SNX31: variants seen among roughly 807,000 people sequenced by gnomAD.
The protein encoded by SNX31 is sorting nexin 31, also known as sorting nexin-31.
Under a neutral mutation model 65.4 loss-of-function variants are expected in SNX31, and 58 were observed. That is an observed-to-expected ratio of 0.89 (90% CI 0.72 to 1.10). SNX31 has a LOEUF of 1.10. SNX31 is among the 50% of genes least tolerant of loss of function. SNX31 has a pLI of 0.00. For missense variants in SNX31, 523 were observed against 529.7 expected, an observed-to-expected ratio of 0.99 and a Z score of 0.12; for synonymous variants, 181 against 190.1, an observed-to-expected ratio of 0.95 and a Z score of 0.39.
chr8:100,600,402 G>T lies in SNX31; in HGVS notation c.721C>A (p.Gln241Lys). 6.2e-7 allele frequency: 1 copy of T among 1,613,754 alleles called. No individual in the cohort carries two copies. Among genetic ancestry groups the T allele is most frequent in the Non-Finnish European group, 8.5e-7 (1 of 1,179,818 alleles). The change falls in exon 9 of 14, where the codon CAG (glutamine) becomes AAG (lysine). Residue 241 changes from glutamine (Q) to lysine (K), a missense_variant. Coordinates refer to ENST00000311812, the MANE Select transcript of SNX31 (RefSeq NM_152628.4). Reference sequence around the variant, plus strand: ...GCTTCTAATTTCTGCCTCTGTGCCTGTGTGGGTTTGGCCCATCCTTTTTCA... The same window carrying T: ...GCTTCTAATTTCTGCCTCTGTGCCTTTGTGGGTTTGGCCCATCCTTTTTCA... Reference protein sequence around the residue: ...DIEKGWAKPTQAQRQKLEAFQ... With the variant: ...DIEKGWAKPTKAQRQKLEAFQ...
At chr8:100,618,408 G>A in intron 4 of SNX31, 2 of 1,289,380 alleles carry the variant, frequency 1.6e-6, no homozygotes, top group East Asian at 2.5e-5. Flanking sequence ...GTGGGGGCAG[G>A]GGGAAGGTGT....
At chr8:100,582,810 T>C (rs1299304826) in intron 12 of SNX31, among the ~76,000 whole-genome samples, 2 of 150,758 alleles carry the variant, frequency 1.3e-5, no homozygotes, top group Non-Finnish European at 3.0e-5. Flanking sequence ...ACCCTGTCTC[T>C]ACTAAAAAAA....
In SNX31 at chr8:100,594,944, C is replaced by A. The variant is rs1410699128; in HGVS notation, c.978+1695G>T. On this transcript the variant is annotated intron_variant, in intron 10 of 13. Coordinates refer to ENST00000311812, the MANE Select transcript of SNX31 (RefSeq NM_152628.4). The surrounding 1 kb of genome is among the most constrained non-coding windows in gnomAD (Gnocchi z 4.0). Reference sequence around the variant, plus strand: ...TAAGCAAACTTTGGCACATCCAGACCATGGACTGCTGCTCAACAATAAAAA... The same window carrying A: ...TAAGCAAACTTTGGCACATCCAGACAATGGACTGCTGCTCAACAATAAAAA... Among the ~76,000 whole-genome samples the A allele has an allele frequency of 1.3e-5, 2 of 152,164 alleles. No homozygotes were observed. Among genetic ancestry groups the A allele is most frequent in the Non-Finnish European group, 2.9e-5 (2 of 68,030 alleles).
At chr8:100,635,488 G>C (rs887076868) in intron 3 of SNX31, among the ~76,000 whole-genome samples, 1 of 149,720 alleles carries the variant, frequency 6.7e-6, no homozygotes, top group Non-Finnish European at 1.5e-5. Context: ...TGATCCTCCT[G>C]CCTCAGCTTC....
intron 1 of SNX31, among the ~76,000 whole-genome samples, chr8:100,661,583 C>T (rs1001543945): frequency 1.3e-5 from 2 of 152,112 alleles, no homozygotes; most frequent in Non-Finnish European, 2.9e-5. Flanking sequence ...CACTCTGTCA[C>T]CCAGGAAGGA....
At chr8:100,608,397 G>T in intron 8 of SNX31, 97 bp downstream of exon 8, 1 of 1,064,458 alleles carries the variant, frequency 9.4e-7, no homozygotes, top group Non-Finnish European at 1.4e-6. Flanking sequence ...TTTAGGTGTG[G>T]AGGTAGAATT....
In SNX31 at chr8:100,596,836, C is replaced by A. The variant is rs2130908046; in HGVS notation, c.781G>T (p.Glu261Ter). 1 of 1,613,364 alleles carries A rather than the reference C, an allele frequency of 6.2e-7. No individual in the cohort carries two copies. Among genetic ancestry groups the A allele is most frequent in the East Asian group, 2.2e-5 (1 of 44,882 alleles). ...TAGTGCCGTACCTCCCGGGCCAGCT[C>A]CAAAAACTGCTCCAAAGAGGGTGAT... ...QKEDSQTKFL[E>*]LAREVRHYGY... Residue 261 changes from glutamate to a stop codon, truncating the protein, a stop_gained, in exon 10 of 14, where the codon GAG becomes TAG. Transcript: ENST00000311812. LOFTEE classifies it high-confidence loss of function.
upstream of SNX31, chr8:100,649,774 C>T: frequency 2.4e-6 from 1 of 413,828 alleles, no homozygotes; most frequent in Non-Finnish European, 4.2e-6. Flanking sequence ...GCATCCACGG[C>T]CACCCCCACC....
At chr8:100,658,788 G>A in intron 1 of SNX31, among the ~76,000 whole-genome samples, 1 of 152,140 alleles carries the variant, frequency 6.6e-6, no homozygotes, top group African/African-American at 2.4e-5. Flanking sequence ...ATGCTTCCGG[G>A]ATCACCATAC....
intron 10 of SNX31, among the ~76,000 whole-genome samples, chr8:100,591,472 G>C (rs1455508245): frequency 2.4e-5 from 3 of 126,268 alleles, no homozygotes; most frequent in East Asian, 4.5e-4. Flanking sequence ...CTGGGCAACA[G>C]AGTGAGACTC....
rs528540016 is a variant in SNX31 at position 100,604,410 on chromosome 8, G to A, written c.682-3969C>T. 7.2e-5 allele frequency among the ~76,000 whole-genome samples: 11 copies of A among 152,292 alleles called. No homozygotes were observed. The highest frequency in any genetic ancestry group is 2.4e-4 in the African/African-American group (10 of 41,566). On this transcript the variant is annotated intron_variant, in intron 8 of 13. Coordinates refer to ENST00000311812, the MANE Select transcript of SNX31 (RefSeq NM_152628.4). This position sits in a 1 kb window ranked among gnomAD's most constrained non-coding sequence, Gnocchi z 4.3. ...AGAGGTCATATGCCTCTCAAAGGCC[G>A]GCACTGGCCACTCGGCTCTGGCGAA... is the stretch of plus-strand genomic sequence containing the variant.
At position 100,594,279 on chromosome 8, in the gene SNX31, G is replaced by T. The variant is rs1814856853; in HGVS notation, c.978+2360C>A. 6.6e-6 allele frequency among the ~76,000 whole-genome samples: 1 copy of T among 152,120 alleles called. No homozygotes were observed. The highest frequency in any genetic ancestry group is 6.5e-5 in the Admixed American group (1 of 15,268). On this transcript the variant is annotated intron_variant, in intron 10 of 13. Coordinates refer to ENST00000311812, the MANE Select transcript of SNX31 (RefSeq NM_152628.4). The surrounding 1 kb of genome is among the most constrained non-coding windows in gnomAD (Gnocchi z 4.0). Reference sequence around the variant, plus strand: ...AAATTGCACCACTGCACTCCAGCCTGGGCGACAGAGCAAGACTCTGTCTCA... The same window carrying T: ...AAATTGCACCACTGCACTCCAGCCTTGGCGACAGAGCAAGACTCTGTCTCA...
intron 4 of SNX31, among the ~76,000 whole-genome samples, chr8:100,628,156 T>C (rs1587006845): frequency 1.3e-5 from 2 of 152,190 alleles, no homozygotes; most frequent in African/African-American, 4.8e-5. Context: ...TGTAAACTAG[T>C]TCAACCATTG....
intron 11 of SNX31, among the ~76,000 whole-genome samples, chr8:100,586,812 T>G (rs1490329990): frequency 6.6e-6 from 1 of 152,230 alleles, no homozygotes; most frequent in East Asian, 1.9e-4. Flanking sequence ...CTTAGCCTGA[T>G]CACCAGAGAC....
intron 12 of SNX31, among the ~76,000 whole-genome samples, chr8:100,579,618 T>C (rs950088617): frequency 6.6e-6 from 1 of 152,140 alleles, no homozygotes; most frequent in African/African-American, 2.4e-5. Context: ...CACTATATAA[T>C]AGAAACATGT....
Position 100,573,786 on chromosome 8 carries a change from G to T in SNX31, c.*79C>A. The T allele has an allele frequency of 1.0e-6, 1 of 956,938 alleles. No homozygotes were observed. The highest frequency in any genetic ancestry group is 1.8e-5 in the South Asian group (1 of 56,666). 59.3% of individuals were successfully genotyped at this position (956,938 alleles called of 1,614,324 possible). A position where few individuals can be genotyped will look rare whatever the true frequency, so the allele number is the denominator to read the frequency against. The stretch of plus-strand genomic sequence containing the variant: ...GGTCAAATTTCCTCCACTGATGGTA[G>T]GTAGCCCACCTGAATCCCCAAGTTC... On this transcript the variant is annotated 3_prime_UTR_variant, in exon 14 of 14. Transcript: ENST00000311812.
intron 2 of SNX31, among the ~76,000 whole-genome samples, chr8:100,638,870 T>C (rs12681353): frequency 0.39 from 59,229 of 151,798 alleles, 11,958 homozygotes; most frequent in East Asian, 0.49. Context: ...TATTCAGAAA[T>C]AAAATGAAAT....
intron 10 of SNX31, among the ~76,000 whole-genome samples, chr8:100,593,540 C>G (rs1160380191): frequency 6.6e-6 from 1 of 151,922 alleles, no homozygotes; most frequent in Non-Finnish European, 1.5e-5. Context: ...TGCAACCTCC[C>G]CCTCCCAGAC....
intron 10 of SNX31, among the ~76,000 whole-genome samples, chr8:100,595,714 A>G (rs916171370): frequency 6.6e-6 from 1 of 152,204 alleles, no homozygotes; most frequent in African/African-American, 2.4e-5. Flanking sequence ...CATGAAAGGC[A>G]TAAGGTGGAA....
Sources: gnomAD v4.1 joint callset for allele counts (sites outside exome capture counted in the v4.1 genomes callset) on GRCh38, gnomAD v4.1.1 for gene constraint, Gnocchi (gnomAD v3.1) non-coding constraint, MANE v1.5 for transcripts, NCBI Gene and HGNC (gene_info 2026-07-23, HGNC 2026-07-21) for gene names.